The following CDH26 variants were observed in gnomAD, a reference collection of about 807,000 sequenced individuals.
CDH26 encodes the protein cadherin 26, also known as cadherin-like protein 26.
Under a neutral mutation model 90.3 loss-of-function variants are expected in CDH26, and 83 were observed. That is an observed-to-expected ratio of 0.92 (90% CI 0.77 to 1.10). The LOEUF (loss-of-function observed/expected upper bound fraction) is 1.10, where lower values mean the gene tolerates loss of function less well. CDH26 is among the 50% of genes least tolerant of loss of function. CDH26 has a pLI of 0.00. For synonymous variants in CDH26, 397 were observed against 396.3 expected (o/e 1.00, Z -0.02); for missense variants, 1,013 against 1,037.6 (o/e 0.98, Z 0.33).
chr20:60,001,301 G>A (rs1281935844), intron 14 of CDH26, 42 bp from the exon 15 acceptor site: 4 of 1,612,658 alleles, frequency 2.5e-6, no homozygotes, highest in South Asian at 2.2e-5. Context: ...CAGCTGGAGA[G>A]AAATCCATTC....
chr20:60,034,481 G>T (rs940887497), downstream of CDH26, among the ~76,000 whole-genome samples: 3 of 152,164 alleles, frequency 2.0e-5, no homozygotes, highest in Admixed American at 2.0e-4. Context: ...TGAAGTCTCT[G>T]CTCATAGCCT....
chr20:59,972,041 G>C lies in CDH26; in HGVS notation c.311G>C (p.Gly104Ala). ...GGTGTGGATGAATATCCAGAGATTG[G>C]TTTGTTTTCTCTAGAAGATCATGAG... ...GPGVDEYPEI[G>A]LFSLEDHENG... The change falls in exon 4 of 18, where the codon GGT becomes GCT. Residue 104 changes from glycine (G) to alanine (A), a missense_variant. Gly to Ala is a moderately conservative substitution (Grantham distance 60). Transcript: ENST00000348616. The C allele has an allele frequency of 3.1e-6, 5 of 1,613,720 alleles. No homozygotes were observed. Among genetic ancestry groups the C allele is most frequent in the Non-Finnish European group, 4.2e-6 (5 of 1,179,692 alleles).
At chr20:60,019,668 A>AT (rs2061936136) in intron 7 of CDH26, among the ~76,000 whole-genome samples, 1 of 152,214 alleles carries the variant, frequency 6.6e-6, no homozygotes, top group African/African-American at 2.4e-5. Context: ...TAAGATTATT[A>AT]TTTTGAATTC....
chr20:59,980,448 C>G (rs145070607), intron 4 of CDH26, among the ~76,000 whole-genome samples: 1,529 of 152,216 alleles, frequency 0.01, 14 homozygotes, highest in Middle Eastern at 0.02. Flanking sequence ...TTGCCTGCCA[C>G]CATGCCTGGC....
chr20:60,007,790 G>T (rs2061773169), intron 17 of CDH26, among the ~76,000 whole-genome samples: 1 of 151,978 alleles, frequency 6.6e-6, no homozygotes, highest in African/African-American at 2.4e-5. Context: ...CAGCAGGGTT[G>T]TGACCAGAAA....
At chr20:60,023,501 T>G (rs993707963) in intron 7 of CDH26, among the ~76,000 whole-genome samples, 2 of 152,176 alleles carry the variant, frequency 1.3e-5, no homozygotes, top group Non-Finnish European at 2.9e-5. Flanking sequence ...CCATTGTTTT[T>G]TGAAAAGCAG....
chr20:60,015,349 T>C (rs1001985821), downstream of CDH26, among the ~76,000 whole-genome samples: 2 of 152,208 alleles, frequency 1.3e-5, no homozygotes, highest in South Asian at 2.1e-4. Flanking sequence ...TAATACCTCA[T>C]TGTGGGTTTG....
At chr20:59,971,252 G>A (rs2061258008) in intron 3 of CDH26, among the ~76,000 whole-genome samples, 1 of 152,162 alleles carries the variant, frequency 6.6e-6, no homozygotes, top group Admixed American at 6.5e-5. Context: ...GGTTAAAAGT[G>A]TATATGCCTA....
At chr20:60,032,205 T>A (rs1179851506) in intron 8 of CDH26, among the ~76,000 whole-genome samples, 1 of 152,190 alleles carries the variant, frequency 6.6e-6, no homozygotes, top group Non-Finnish European at 1.5e-5. Flanking sequence ...CCACCAAGGC[T>A]TTTAACCCAA....
chr20:59,967,857 C>A (rs1487508635), intron 1 of CDH26, among the ~76,000 whole-genome samples: 9 of 104,704 alleles, frequency 8.6e-5, no homozygotes, highest in African/African-American at 4.7e-4. Context: ...TTCTTTCTTT[C>A]TTTCTTTCTT....
At chr20:60,008,006 C>T (rs998437195) in intron 17 of CDH26, among the ~76,000 whole-genome samples, 1 of 152,146 alleles carries the variant, frequency 6.6e-6, no homozygotes, top group African/African-American at 2.4e-5. Flanking sequence ...GGCAGGTTTA[C>T]ATGGATAGGG....
chr20:59,995,983 T>G lies in CDH26; in HGVS notation c.1817T>G (p.Leu606Arg). ...GCCAGTGGGCTCACATGTGTGGAGC[T>G]TGCAGATGCAGAAGTGGGGCTTCAT... is the stretch of plus-strand genomic sequence containing the variant. ...PCASGLTCVE[L>R]ADAEVGLHVG... The change falls in exon 12 of 18, where the codon CTT becomes CGT. Residue 606 changes from leucine (L) to arginine (R), a missense_variant. Leu to Arg is a moderately radical substitution (Grantham distance 102, BLOSUM62 -2). Coordinates refer to ENST00000348616, the MANE Select transcript of CDH26 (RefSeq NM_177980.4). The G allele has an allele frequency of 6.2e-7, 1 of 1,614,200 alleles. No homozygotes were observed. The highest frequency in any genetic ancestry group is 8.5e-7 in the Non-Finnish European group (1 of 1,180,026).
intron 16 of CDH26, among the ~76,000 whole-genome samples, chr20:60,004,018 C>G (rs775088788): frequency 1.3e-5 from 2 of 152,200 alleles, no homozygotes; most frequent in Non-Finnish European, 2.9e-5. Flanking sequence ...TGCAAGGGTA[C>G]TTTGTACATA....
Position 59,992,599 on chromosome 20 carries a change from T to C in CDH26, c.1426+79T>C. 2 of 1,405,454 alleles carry C rather than the reference T, an allele frequency of 1.4e-6. No homozygotes were observed. Among genetic ancestry groups the C allele is most frequent in the Non-Finnish European group, 2.0e-6 (2 of 995,860 alleles). The allele number at this position is 1,405,454 out of a possible 1,614,324, so 87.1% of individuals were successfully genotyped here. On this transcript the variant is annotated intron_variant, in intron 10 of 17. Transcript: ENST00000348616. The surrounding 1 kb of genome is among the most constrained non-coding windows in gnomAD (Gnocchi z 5.0). ...GGAAAATAACCCTGGTGAGCGTCTT[T>C]CAGCACAGCAGAGAAAAGGATAAAA...
At chr20:59,978,839 G>T (rs1243621613) in intron 4 of CDH26, among the ~76,000 whole-genome samples, 1 of 152,086 alleles carries the variant, frequency 6.6e-6, no homozygotes, top group Non-Finnish European at 1.5e-5. Flanking sequence ...TATTAGATTT[G>T]ATATGAAGTT....
At position 59,992,470 on chromosome 20, in the gene CDH26, C is replaced by G; in HGVS notation, c.1376C>G (p.Pro459Arg). 1 of 1,614,116 alleles carries G rather than the reference C, an allele frequency of 6.2e-7. No homozygotes were observed. Among genetic ancestry groups the G allele is most frequent in the East Asian group, 2.2e-5 (1 of 44,876 alleles). The change falls in exon 10 of 18, where the codon CCT becomes CGT. Residue 459 changes from proline to arginine, a missense_variant. Coordinates refer to ENST00000348616, the MANE Select transcript of CDH26 (RefSeq NM_177980.4). This position sits in a 1 kb window ranked among gnomAD's most constrained non-coding sequence, Gnocchi z 5.0. ...GTGGAGCCAATTGACCGAGAATCCC[C>G]TCATGTAAATAACAGTTTTTATGTA... ...ITVEPIDRES[P>R]HVNNSFYVII...
At chr20:60,019,018 C>T (rs1163473880), downstream of CDH26, among the ~76,000 whole-genome samples, 3 of 152,006 alleles carry the variant, frequency 2.0e-5, no homozygotes, top group Non-Finnish European at 2.9e-5. Flanking sequence ...GTTTTGTTTA[C>T]AGTACTTCGA....
intron 9 of CDH26, among the ~76,000 whole-genome samples, chr20:59,991,766 C>T (rs1324478722): frequency 1.3e-5 from 2 of 152,102 alleles, no homozygotes; most frequent in Admixed American, 6.5e-5. Context: ...GTTCCTGCTG[C>T]GGTGCCCTCA....
At chr20:59,993,474 C>G (rs2145994953) in intron 10 of CDH26, among the ~76,000 whole-genome samples, 1 of 152,266 alleles carries the variant, frequency 6.6e-6, no homozygotes, top group East Asian at 1.9e-4. Flanking sequence ...CTTTGTGTAT[C>G]CATAGCTTAG....
Sources: gnomAD v4.1 joint callset for allele counts (sites outside exome capture counted in the v4.1 genomes callset) on GRCh38, gnomAD v4.1.1 for gene constraint, Gnocchi (gnomAD v3.1) non-coding constraint, MANE v1.5 for transcripts, NCBI Gene and HGNC (gene_info 2026-07-23, HGNC 2026-07-21) for gene names.